Variants in GRID2 observed in about 807,000 individuals in gnomAD.
The protein encoded by GRID2 is glutamate receptor ionotropic, delta-2.
GRID2 carries 33 observed loss-of-function variants against 114.8 expected under a neutral mutation model. That is an observed-to-expected ratio of 0.29 (90% CI 0.22 to 0.38). GRID2 has a LOEUF of 0.38. Among genes scored for constraint, GRID2 ranks in the 10% least tolerant of loss-of-function variants. GRID2 has a pLI of 1.00. For synonymous variants in GRID2, 505 were observed against 449.9 expected (o/e 1.12, Z -1.55); for missense variants, 1,184 against 1,257.7 (o/e 0.94, Z 0.89).
chr4:93,767,463 C>A (rs1733762175), intron 14 of GRID2, among the ~76,000 whole-genome samples: 1 of 152,124 alleles, frequency 6.6e-6, no homozygotes, highest in South Asian at 2.1e-4. Context: ...TCTAGAGCAA[C>A]ACTCTAGACA....
At chr4:92,322,777 T>A (rs753020201) in intron 1 of GRID2, among the ~76,000 whole-genome samples, 11 of 152,190 alleles carry the variant, frequency 7.2e-5, no homozygotes, top group Non-Finnish European at 1.3e-4. Flanking sequence ...TTTATGCTGA[T>A]TAAAGAAACA....
At chr4:93,713,688 A>G (rs971415998) in intron 14 of GRID2, among the ~76,000 whole-genome samples, 1 of 152,140 alleles carries the variant, frequency 6.6e-6, no homozygotes. Flanking sequence ...TACCAAGGAA[A>G]AGAATAAATA....
chr4:92,367,220 A>G (rs887301119), intron 1 of GRID2, among the ~76,000 whole-genome samples: 6 of 152,130 alleles, frequency 3.9e-5, no homozygotes, highest in African/African-American at 1.4e-4. Flanking sequence ...ATTGGTTGAT[A>G]GTTGGCAAAT....
intron 14 of GRID2, among the ~76,000 whole-genome samples, chr4:93,722,725 T>C (rs899604362): frequency 2.6e-5 from 4 of 152,236 alleles, no homozygotes; most frequent in Admixed American, 2.6e-4. Flanking sequence ...CCATCTCCAC[T>C]GTTATAACCT....
chr4:92,644,404 C>T (rs1229139831), intron 2 of GRID2, among the ~76,000 whole-genome samples: 1 of 151,732 alleles, frequency 6.6e-6, no homozygotes, highest in African/African-American at 2.4e-5. Context: ...AACAAAACCT[C>T]AAAGCCTCTC....
intron 2 of GRID2, among the ~76,000 whole-genome samples, chr4:92,614,786 G>A (rs1467557867): frequency 1.3e-5 from 2 of 151,650 alleles, no homozygotes; most frequent in Non-Finnish European, 3.0e-5. Flanking sequence ...CTGAAAGCAA[G>A]TATTAAAATC....
At chr4:93,107,489 G>T (rs10084856) in intron 3 of GRID2, among the ~76,000 whole-genome samples, 1 of 151,926 alleles carries the variant, frequency 6.6e-6, no homozygotes, top group African/African-American at 2.4e-5. Flanking sequence ...GCTAAAAAAC[G>T]TTATATAGTT....
At chr4:93,726,413 T>C (rs1057065222) in intron 14 of GRID2, among the ~76,000 whole-genome samples, 2 of 152,214 alleles carry the variant, frequency 1.3e-5, no homozygotes, top group African/African-American at 4.8e-5. Flanking sequence ...TGAAGTCAGG[T>C]AGCATGATGC....
chr4:92,936,988 A>G (rs1196271482), intron 2 of GRID2, among the ~76,000 whole-genome samples: 2 of 146,088 alleles, frequency 1.4e-5, no homozygotes, highest in Non-Finnish European at 1.5e-5. Context: ...TCTTTTTTGG[A>G]GAAATGTCTC....
chr4:92,635,894 A>G (rs1731043445), intron 2 of GRID2, among the ~76,000 whole-genome samples: 1 of 152,042 alleles, frequency 6.6e-6, no homozygotes, highest in Admixed American at 6.6e-5. Flanking sequence ...TTGCATAAGA[A>G]CTTTTTGAGT....
In GRID2 at chr4:93,773,830, A is replaced by G. The variant is rs1157446097; in HGVS notation, c.*1332A>G. The G allele has an allele frequency of 6.6e-6, 1 of 152,094 alleles. No homozygotes were observed. 9.4% of individuals were successfully genotyped at this position (152,094 alleles called of 1,614,324 possible). A position where few individuals can be genotyped will look rare whatever the true frequency, so the allele number is the denominator to read the frequency against. On this transcript the variant is annotated 3_prime_UTR_variant, in exon 16 of 16. Coordinates refer to ENST00000282020, the MANE Select transcript of GRID2 (RefSeq NM_001510.4). ...TTTTTTATTTAGTTCTATTTGGAGG[A>G]GTTATGTATTTTTTACATTAGTGCC...
chr4:93,407,840 C>T (rs1158276098), intron 9 of GRID2, among the ~76,000 whole-genome samples: 1 of 146,638 alleles, frequency 6.8e-6, no homozygotes, highest in Non-Finnish European at 1.5e-5. Flanking sequence ...TCCTCCTCCT[C>T]CTCCTCCACC....
chr4:92,731,304 G>T (rs1238385865), intron 2 of GRID2, among the ~76,000 whole-genome samples: 1 of 151,256 alleles, frequency 6.6e-6, no homozygotes, highest in Non-Finnish European at 1.5e-5. Context: ...CCTACTGTCG[G>T]GTAATTGCCA....
intron 2 of GRID2, among the ~76,000 whole-genome samples, chr4:92,640,371 T>C (rs990925208): frequency 1.3e-5 from 2 of 151,878 alleles, no homozygotes; most frequent in African/African-American, 4.8e-5. Context: ...GAATCATTTT[T>C]AGATGTATTT....
In GRID2 at chr4:92,966,261, G is replaced by A. The variant is rs143624126; in HGVS notation, c.245-118734G>A. 6.6e-5 allele frequency among the ~76,000 whole-genome samples: 10 copies of A among 151,996 alleles called. No homozygotes were observed. The East Asian group carries it at 1.9e-3, about 29-fold the overall frequency. The stretch of plus-strand genomic sequence containing the variant: ...ACATAAGAAAAATGCAGGATGTTAA[G>A]GAGTAGTTGCCTTATAAGGTATAAA... On this transcript the variant is annotated intron_variant, in intron 2 of 15. Transcript: ENST00000282020.
intron 10 of GRID2, among the ~76,000 whole-genome samples, chr4:93,426,683 A>G (rs994500135): frequency 6.6e-6 from 1 of 152,146 alleles, no homozygotes; most frequent in Non-Finnish European, 1.5e-5. Context: ...GCAATCATAC[A>G]CAAGAAATAG....
At chr4:92,924,089 G>A (rs905381162) in intron 2 of GRID2, among the ~76,000 whole-genome samples, 13 of 152,268 alleles carry the variant, frequency 8.5e-5, no homozygotes, top group African/African-American at 3.1e-4. Flanking sequence ...ATAAGTTCGT[G>A]TCCTTTGTAG....
chr4:93,561,748 T>G lies in GRID2; in HGVS notation c.2193+46337T>G, dbSNP rs80173154. ...TTATTACTGCTTCCATACTTTTGTC[T>G]TTCCCAGAATATCATGCAATTAGAG... On this transcript the variant is annotated intron_variant, in intron 13 of 15. Transcript: ENST00000282020. Among the ~76,000 whole-genome samples the G allele has an allele frequency of 2.9e-3, 444 of 152,284 alleles. 2 individuals are homozygous for G. The highest frequency in any genetic ancestry group is 8.2e-3 in the Admixed American group (126 of 15,276).
rs568343393 is a variant in GRID2 at position 93,319,972 on chromosome 4, T to C, written c.1246-75635T>C. Among the ~76,000 whole-genome samples the C allele has an allele frequency of 1.2e-3, 179 of 152,228 alleles. 1 individual carries two copies. Among genetic ancestry groups the C allele is most frequent in the African/African-American group, 4.0e-3 (167 of 41,554 alleles). ...ACTTTTGACCTATAGAACTGTGAGA[T>C]AACAAATCGGTATTGTTATAAGCTG... On this transcript the variant is annotated intron_variant, in intron 8 of 15. Coordinates refer to ENST00000282020, the MANE Select transcript of GRID2 (RefSeq NM_001510.4).
Sources: allele counts gnomAD v4.1 joint callset (sites outside exome capture counted in the v4.1 genomes callset), GRCh38; gene constraint gnomAD v4.1.1; transcripts MANE v1.5; gene names NCBI Gene and HGNC (gene_info 2026-07-23, HGNC 2026-07-21).